The following MYO1D variants were observed in gnomAD, a reference collection of about 807,000 sequenced individuals.
MYO1D encodes the protein myosin ID.
A neutral mutation model predicts 122.0 loss-of-function variants in MYO1D; 83 were observed. That is an observed-to-expected ratio of 0.68 (90% CI 0.57 to 0.82). MYO1D has a LOEUF of 0.82. Among genes scored for constraint, MYO1D ranks in the 40% least tolerant of loss-of-function variants. MYO1D has a pLI of 0.00. For missense variants in MYO1D, 1,157 were observed against 1,269.5 expected (o/e 0.91, Z 1.35); for synonymous variants, 464 against 446.9 (o/e 1.04, Z -0.48).
intron 16 of MYO1D, among the ~76,000 whole-genome samples, chr17:32,704,137 C>A (rs1567957328): frequency 6.6e-6 from 1 of 152,120 alleles, no homozygotes; most frequent in Non-Finnish European, 1.5e-5. Context: ...TCTTCAGTGC[C>A]TTCTAGAAAC....
chr17:32,743,578 C>A (rs368860823), intron 13 of MYO1D, among the ~76,000 whole-genome samples: 1 of 151,856 alleles, frequency 6.6e-6, no homozygotes, highest in African/African-American at 2.4e-5. Context: ...ATCACTACCA[C>A]CCAGGCCTCA....
chr17:32,731,836 A>T (rs113629499), intron 14 of MYO1D, among the ~76,000 whole-genome samples: 10 of 151,820 alleles, frequency 6.6e-5, no homozygotes, highest in African/African-American at 2.4e-4. Context: ...AGGAGCCCCA[A>T]CCTCCTGGGT....
chr17:32,590,884 G>A (rs942891741), intron 21 of MYO1D, among the ~76,000 whole-genome samples: 2 of 152,122 alleles, frequency 1.3e-5, no homozygotes, highest in Admixed American at 6.5e-5. Flanking sequence ...TTAGAGCTAC[G>A]GCCTTTAAAA....
intron 1 of MYO1D, among the ~76,000 whole-genome samples, chr17:32,832,293 C>CTT (rs955471882): frequency 4.3e-5 from 6 of 139,864 alleles, no homozygotes; most frequent in African/African-American, 7.8e-5. Flanking sequence ...TTTCTTTCTT[C>CTT]TTTTTTTTTT....
rs144505649 is a variant in MYO1D at position 32,752,420 on chromosome 17, G to C, written c.1467+3072C>G. On this transcript the variant is annotated intron_variant, in intron 11 of 21. Transcript: ENST00000318217. ...AAACAAATGTGACAAAAACAAATGA[G>C]ACTTAATTAAACTAAAAAGGTTCTG... 1.1e-3 allele frequency among the ~76,000 whole-genome samples: 161 copies of C among 152,096 alleles called. 1 individual carries two copies. Among genetic ancestry groups the C allele is most frequent in the African/African-American group, 3.7e-3 (155 of 41,520 alleles).
chr17:32,507,757 CA>C (rs1330835283), intron 21 of MYO1D, among the ~76,000 whole-genome samples: 1 of 152,186 alleles, frequency 6.6e-6, no homozygotes, highest in Non-Finnish European at 1.5e-5. Flanking sequence ...GTCATAGGAG[CA>C]GGGCCTTGAT....
chr17:32,759,319 G>C (rs939905032), intron 10 of MYO1D, among the ~76,000 whole-genome samples: 1 of 152,066 alleles, frequency 6.6e-6, no homozygotes, highest in Non-Finnish European at 1.5e-5. Flanking sequence ...TTTGAGGCGG[G>C]AAAGCTATTT....
intron 13 of MYO1D, among the ~76,000 whole-genome samples, chr17:32,744,754 A>G (rs145587605): frequency 3.1e-4 from 47 of 152,298 alleles, no homozygotes; most frequent in African/African-American, 1.1e-3. Flanking sequence ...TTGTGAGAAG[A>G]TTCTGTCTGC....
intron 8 of MYO1D, 143 bp from the exon 9 acceptor site, chr17:32,760,770 A>G (rs1343517060): frequency 1.2e-6 from 1 of 835,930 alleles, no homozygotes; most frequent in East Asian, 2.6e-5. Flanking sequence ...ATGAAAATGT[A>G]GACTGTCCAT....
At chr17:32,516,504 C>A (rs1319599589) in intron 21 of MYO1D, among the ~76,000 whole-genome samples, 1 of 152,198 alleles carries the variant, frequency 6.6e-6, no homozygotes, top group Non-Finnish European at 1.5e-5. Flanking sequence ...CCTTTTCCTG[C>A]CTGCCATGAA....
intron 21 of MYO1D, among the ~76,000 whole-genome samples, chr17:32,599,034 A>T (rs2087530588): frequency 6.6e-6 from 1 of 152,150 alleles, no homozygotes; most frequent in East Asian, 1.9e-4. Context: ...TGGCTGTGGC[A>T]ATTTCTTTAA....
At chr17:32,618,686 G>C (rs1341716660) in intron 20 of MYO1D, among the ~76,000 whole-genome samples, 1 of 150,734 alleles carries the variant, frequency 6.6e-6, no homozygotes, top group Non-Finnish European at 1.5e-5. Context: ...CCAGGCCAGA[G>C]TACAATGGCA....
intron 17 of MYO1D, chr17:32,658,395 C>T (rs552830001): frequency 6.6e-6 from 1 of 152,162 alleles, no homozygotes; most frequent in East Asian, 1.9e-4. Context: ...ATGGCTGTAT[C>T]TAAGACAGAA....
intron 21 of MYO1D, among the ~76,000 whole-genome samples, chr17:32,516,257 G>C (rs1909886858): frequency 6.6e-6 from 1 of 152,066 alleles, no homozygotes; most frequent in Admixed American, 6.5e-5. Context: ...TCTATTTCTG[G>C]CCTATAATGA....
intron 16 of MYO1D, among the ~76,000 whole-genome samples, chr17:32,694,883 A>G (rs1298826207): frequency 1.3e-5 from 2 of 151,780 alleles, no homozygotes; most frequent in African/African-American, 4.8e-5. Flanking sequence ...TTCTACCTCT[A>G]TCTCAGTTGT....
intron 21 of MYO1D, among the ~76,000 whole-genome samples, chr17:32,539,660 A>G (rs1910779534): frequency 6.6e-6 from 1 of 152,110 alleles, no homozygotes; most frequent in Non-Finnish European, 1.5e-5. Flanking sequence ...CCTTTCTTTT[A>G]TAAGGATTTA....
At chr17:32,691,369 T>C (rs1476694297) in intron 16 of MYO1D, among the ~76,000 whole-genome samples, 2 of 151,940 alleles carry the variant, frequency 1.3e-5, no homozygotes, top group Non-Finnish European at 2.9e-5. Flanking sequence ...TCTTCATTAT[T>C]TCCCACTGTC....
At chr17:32,756,068 T>C (rs190528118) in intron 10 of MYO1D, 4 of 208,038 alleles carry the variant, frequency 1.9e-5, no homozygotes, top group East Asian at 7.3e-5. Flanking sequence ...TCTGATATAC[T>C]ACTTCATAAT....
intron 14 of MYO1D, among the ~76,000 whole-genome samples, chr17:32,721,654 T>A (rs1321710427): frequency 6.6e-6 from 1 of 152,162 alleles, no homozygotes; most frequent in African/African-American, 2.4e-5. Context: ...GCTCCTTAAG[T>A]GTCAGCCATC....
Sources: allele counts gnomAD v4.1 joint callset (sites outside exome capture counted in the v4.1 genomes callset), GRCh38; gene constraint gnomAD v4.1.1; transcripts MANE v1.5; gene names NCBI Gene and HGNC (gene_info 2026-07-23, HGNC 2026-07-21).